Variants in ZNF441 observed in about 807,000 individuals in gnomAD.
ZNF441 encodes the protein zinc finger protein 441.
In ZNF441, 25 loss-of-function variants were observed where a neutral mutation model predicts 64.5. The ratio of observed to expected loss-of-function variants is 0.39; its 90% CI spans 0.28 to 0.54. The LOEUF (loss-of-function observed/expected upper bound fraction) is 0.54. Among genes scored for constraint, ZNF441 ranks in the 20% least tolerant of loss-of-function variants. The pLI is 0.70. For synonymous variants in ZNF441, 262 were observed against 268.0 expected, an observed-to-expected ratio of 0.98 and a Z score of 0.22; for missense variants, 715 against 843.3, an observed-to-expected ratio of 0.85 and a Z score of 1.88.
chr19:11,768,228 T>G (rs1975286128), intron 1 of ZNF441, among the ~76,000 whole-genome samples: 1 of 152,182 alleles, frequency 6.6e-6, no homozygotes, highest in Admixed American at 6.5e-5. Flanking sequence ...CACAGCAACT[T>G]TATGAACTCC....
In ZNF441 at chr19:11,780,010, T is replaced by A. The variant is rs1975385907; in HGVS notation, c.195-9T>A. On this transcript the variant is annotated splice_polypyrimidine_tract_variant and intron_variant, in intron 3 of 3. Transcript: ENST00000357901. ...AAACCTTTACTAATGTACTTCTTAT[T>A]TTTTACAGATGTCATATGGTAGAGA... 1 of 1,585,252 alleles carries A rather than the reference T, an allele frequency of 6.3e-7. No individual in the cohort carries two copies.
At position 11,781,207 on chromosome 19, in the gene ZNF441, C is replaced by T; in HGVS notation, c.1383C>T (p.Tyr461=). 7 of 1,613,408 alleles carry T rather than the reference C, an allele frequency of 4.3e-6. No homozygotes were observed. The highest frequency in any genetic ancestry group is 5.1e-6 in the Non-Finnish European group (6 of 1,179,850). ...GAAAAGCCTTCAGGTCTTCCAATTA[C>T]ATTCGAGTACATGAAAAGACTCACA... ...QCGKAFRSSN[Y]IRVHEKTHTG... is the part of the protein sequence containing the mutation. The change falls in exon 4 of 4, where the codon TAC becomes TAT. Residue 461 remains tyrosine (Y), a synonymous_variant. Coordinates refer to ENST00000357901, the MANE Select transcript of ZNF441 (RefSeq NM_152355.3).
Position 11,781,820 on chromosome 19 carries a change from A to G in ZNF441, c.1996A>G (p.Ser666Gly). The G allele has an allele frequency of 6.2e-7, 1 of 1,614,038 alleles. No individual in the cohort carries two copies. The highest frequency in any genetic ancestry group is 8.5e-7 in the Non-Finnish European group (1 of 1,179,924). The change falls in exon 4 of 4, where the codon AGT becomes GGT. Residue 666 changes from serine to glycine, a missense_variant. Physicochemically the swap from Ser to Gly is moderately conservative, Grantham distance 56. Transcript: ENST00000357901. ...SAFHKHERTH[S>G]MEKPYKCKEC... ...CTTTCATAAACATGAAAGGACCCAC[A>G]GTATGGAGAAACCCTATAAGTGTAA...
intron 2 of ZNF441, 77 bp from the exon 3 acceptor site, chr19:11,778,253 G>A (rs1975369946): frequency 1.0e-6 from 1 of 994,706 alleles, no homozygotes; most frequent in Non-Finnish European, 1.5e-6. Context: ...ATGCATGATT[G>A]TAGTGTACAT....
rs116702839 is a variant in ZNF441, at chr19:11,782,014, G to A, written c.*108G>A. 4.0e-3 allele frequency: 3,664 copies of A among 905,042 alleles called. 91 individuals are homozygous for A. The African/African-American group carries it at 0.056, about 14-fold the overall frequency. The allele number at this position is 905,042 out of a possible 1,614,324, so 56.1% of individuals were successfully genotyped here. On this transcript the variant is annotated 3_prime_UTR_variant, in exon 4 of 4. Coordinates refer to ENST00000357901, the MANE Select transcript of ZNF441 (RefSeq NM_152355.3). ...AAAAAAGTTGTATGAATATAAAAAT[G>A]TACTAAAACCTTCCATTTTTTTCAG...
Position 11,781,743 on chromosome 19 carries a change from A to G in ZNF441, c.1919A>G (p.Glu640Gly). The G allele has an allele frequency of 6.2e-7, 1 of 1,614,140 alleles. No individual in the cohort carries two copies. The highest frequency in any genetic ancestry group is 1.1e-5 in the South Asian group (1 of 91,084). Reference protein sequence around the residue: ...LRIHERVHTGEKPYKCKECGK... With the variant: ...LRIHERVHTGGKPYKCKECGK... ...ATACACGAAAGAGTTCATACTGGAG[A>G]GAAGCCGTATAAATGTAAGGAATGT... The change falls in exon 4 of 4, where the codon GAG becomes GGG. Residue 640 changes from glutamate to glycine, a missense_variant. Glu to Gly is a moderately conservative substitution (Grantham distance 98, BLOSUM62 -2). Transcript: ENST00000357901.
intron 1 of ZNF441, among the ~76,000 whole-genome samples, chr19:11,775,697 G>C (rs185252805): frequency 7.2e-6 from 1 of 138,734 alleles, no homozygotes; most frequent in Non-Finnish European, 1.5e-5. Context: ...GCTCAATCTC[G>C]GCTCACTGCA....
chr19:11,781,656 G>A lies in ZNF441; in HGVS notation c.1832G>A (p.Gly611Glu). 6.2e-7 allele frequency: 1 copy of A among 1,614,138 alleles called. No homozygotes were observed. Among genetic ancestry groups the A allele is most frequent in the Non-Finnish European group, 8.5e-7 (1 of 1,179,998 alleles). ...SVQRHERTHT[G>E]EKPYECKECG... ...CAAAGACATGAAAGAACTCACACTGGAGAGAAACCCTATGAATGCAAGGAA... is the reference window on the plus strand; with the variant it reads ...CAAAGACATGAAAGAACTCACACTGAAGAGAAACCCTATGAATGCAAGGAA... Residue 611 changes from glycine (G) to glutamate (E), a missense_variant, in exon 4 of 4, where the codon GGA (glycine) becomes GAA (glutamate). Physicochemically the swap from Gly to Glu is moderately conservative, Grantham distance 98 (BLOSUM62 -2). Around this residue, in one of 2 missense-constraint regions of ZNF441, gnomAD observed 316 missense variants for 429.3 expected, o/e 0.74. Coordinates refer to ENST00000357901, the MANE Select transcript of ZNF441 (RefSeq NM_152355.3).
At position 11,783,449 on chromosome 19, in the gene ZNF441, G is replaced by A. The variant is rs1975419838; in HGVS notation, c.*1543G>A. 6.6e-6 allele frequency: 1 copy of A among 152,150 alleles called. No homozygotes were observed. The highest frequency in any genetic ancestry group is 2.4e-5 in the African/African-American group (1 of 41,434). 9.4% of individuals were successfully genotyped at this position (152,150 alleles called of 1,614,324 possible). A position where few individuals can be genotyped will look rare whatever the true frequency, so the allele number is the denominator to read the frequency against. On this transcript the variant is annotated 3_prime_UTR_variant, in exon 4 of 4. Coordinates refer to ENST00000357901, the MANE Select transcript of ZNF441 (RefSeq NM_152355.3). ...AGTATAACCACAGGAAAAGAAATCA[G>A]TATATCAAAGAGATACTTGCACTTG...
chr19:11,768,666 A>G (rs1295168424), intron 1 of ZNF441, among the ~76,000 whole-genome samples: 1 of 152,174 alleles, frequency 6.6e-6, no homozygotes, highest in Non-Finnish European at 1.5e-5. Flanking sequence ...TGAGGTGGAG[A>G]TGGTGGGACC....
Position 11,783,450 on chromosome 19 carries a change from T to C in ZNF441, c.*1544T>C, listed in dbSNP as rs1330919984. The stretch of plus-strand genomic sequence containing the variant: ...GTATAACCACAGGAAAAGAAATCAG[T>C]ATATCAAAGAGATACTTGCACTTGC... On this transcript the variant is annotated 3_prime_UTR_variant, in exon 4 of 4. Coordinates refer to ENST00000357901, the MANE Select transcript of ZNF441 (RefSeq NM_152355.3). The C allele has an allele frequency of 6.6e-6, 1 of 152,168 alleles. No individual in the cohort carries two copies. The highest frequency in any genetic ancestry group is 1.5e-5 in the Non-Finnish European group (1 of 68,020). The allele number at this position is 152,168 out of a possible 1,614,324, so 9.4% of individuals were successfully genotyped here. A position where few individuals can be genotyped will look rare whatever the true frequency, so the allele number is the denominator to read the frequency against.
Position 11,767,318 on chromosome 19 carries a change from C to T in ZNF441, c.3+122C>T. 6.9e-7 allele frequency: 1 copy of T among 1,456,432 alleles called. No individual in the cohort carries two copies. Among genetic ancestry groups the T allele is most frequent in the South Asian group, 1.3e-5 (1 of 79,806 alleles). 90.2% of individuals were successfully genotyped at this position (1,456,432 alleles called of 1,614,324 possible). A position where few individuals can be genotyped will look rare whatever the true frequency, so the allele number is the denominator to read the frequency against. On this transcript the variant is annotated intron_variant, in intron 1 of 3. Coordinates refer to ENST00000357901, the MANE Select transcript of ZNF441 (RefSeq NM_152355.3). This position sits in a 1 kb window ranked among gnomAD's most constrained non-coding sequence, Gnocchi z 5.1. ...CGACACCCTGGCGCAGCTCGGCCCT[C>T]GGTTCCCTCGGCCGCACGATGGGGC... is the stretch of plus-strand genomic sequence containing the variant.
chr19:11,768,060 T>C (rs1485689389), intron 1 of ZNF441, among the ~76,000 whole-genome samples: 1 of 152,138 alleles, frequency 6.6e-6, no homozygotes, highest in Non-Finnish European at 1.5e-5. Context: ...CTGTCCCTTC[T>C]TTCTTCCCAA....
chr19:11,777,596 T>C lies in ZNF441; in HGVS notation c.4-15T>C, dbSNP rs768810825. The C allele has an allele frequency of 3.7e-6, 6 of 1,608,208 alleles. No homozygotes were observed. The South Asian group carries it at 5.5e-5, about 15-fold the overall frequency. On this transcript the variant is annotated splice_polypyrimidine_tract_variant and intron_variant, in intron 1 of 3. Coordinates refer to ENST00000357901, the MANE Select transcript of ZNF441 (RefSeq NM_152355.3). The stretch of plus-strand genomic sequence containing the variant: ...AGTTTTAATATTCCTCCTCTGCACA[T>C]GTGAAATATTTCAGGACTCAGTGGC...
At position 11,782,869 on chromosome 19, in the gene ZNF441, T is replaced by C. The variant is rs1411008977; in HGVS notation, c.*963T>C. ...CTACTAGAAGAAAACATATTGAAAA[T>C]ACTTCAGGACATTGGTTTAGGCAAA... On this transcript the variant is annotated 3_prime_UTR_variant, in exon 4 of 4. Coordinates refer to ENST00000357901, the MANE Select transcript of ZNF441 (RefSeq NM_152355.3). 1 of 152,160 alleles carries C rather than the reference T, an allele frequency of 6.6e-6. No individual in the cohort carries two copies. Among genetic ancestry groups the C allele is most frequent in the Non-Finnish European group, 1.5e-5 (1 of 68,014 alleles). The allele number at this position is 152,160 out of a possible 1,614,324, so 9.4% of individuals were successfully genotyped here.
intron 1 of ZNF441, among the ~76,000 whole-genome samples, chr19:11,775,011 C>G (rs1975343348): frequency 6.6e-6 from 1 of 152,258 alleles, no homozygotes; most frequent in Admixed American, 6.5e-5. Flanking sequence ...ACTGAAGTCT[C>G]TGTTCCCTTA....
Position 11,782,111 on chromosome 19 carries a change from ACTTT to A in ZNF441, c.*210_*213del, listed in dbSNP as rs1387334647. On this transcript the variant is annotated 3_prime_UTR_variant, in exon 4 of 4. Transcript: ENST00000357901. ...TAATGAATGTGAGGAATATGAAAAA[ACTTT>A]CTTTGTCTAGCAAACTTTCAAAGGT... 2 of 439,704 alleles carry A rather than the reference ACTTT, an allele frequency of 4.5e-6. No homozygotes were observed. The highest frequency in any genetic ancestry group is 7.9e-6 in the Non-Finnish European group (2 of 252,596). 27.2% of individuals were successfully genotyped at this position (439,704 alleles called of 1,614,324 possible). A position where few individuals can be genotyped will look rare whatever the true frequency, so the allele number is the denominator to read the frequency against.
intron 1 of ZNF441, among the ~76,000 whole-genome samples, chr19:11,776,149 A>G (rs954942903): frequency 2.0e-5 from 3 of 152,230 alleles, no homozygotes; most frequent in African/African-American, 4.8e-5. Context: ...TGGATAGTCC[A>G]CAGATGGATT....
rs1975274849 is a variant in ZNF441 at position 11,767,019 on chromosome 19, C to A, written c.-175C>A. On this transcript the variant is annotated 5_prime_UTR_variant, in exon 1 of 4. Transcript: ENST00000357901. The surrounding 1 kb of genome is among the most constrained non-coding windows in gnomAD (Gnocchi z 5.1). Reference sequence around the variant, plus strand: ...AGAACTGTCAATCAGGCGCACTGACCGGAGGAGGGTGCAAGGTTCAAAGAG... The same window carrying A: ...AGAACTGTCAATCAGGCGCACTGACAGGAGGAGGGTGCAAGGTTCAAAGAG... The A allele has an allele frequency of 1.1e-6, 1 of 900,738 alleles. No individual in the cohort carries two copies. Among genetic ancestry groups the A allele is most frequent in the Non-Finnish European group, 1.7e-6 (1 of 590,636 alleles). 55.8% of individuals were successfully genotyped at this position (900,738 alleles called of 1,614,324 possible).
Sources: allele counts gnomAD v4.1 joint callset (sites outside exome capture counted in the v4.1 genomes callset), GRCh38; gene constraint gnomAD v4.1.1; regional missense constraint gnomAD v4.1.1; non-coding constraint Gnocchi (gnomAD v3.1); transcripts MANE v1.5; gene names NCBI Gene and HGNC (gene_info 2026-07-23, HGNC 2026-07-21).